Variants in MCPH1 observed in about 807,000 individuals in gnomAD.
The protein encoded by MCPH1 is microcephalin.
Under a neutral mutation model 84.5 loss-of-function variants are expected in MCPH1, and 104 were observed. The ratio of observed to expected loss-of-function variants is 1.23; its 90% CI spans 1.05 to 1.45. MCPH1 has a LOEUF of 1.45. MCPH1 is among the 40% of genes most tolerant of loss of function. MCPH1 has a pLI of 0.00. For synonymous variants in MCPH1, 514 were observed against 366.8 expected (o/e 1.40, Z -4.58); for missense variants, 1,498 against 1,005.7 (o/e 1.49, Z -6.62).
At chr8:6,427,495 C>T (rs1365634996) in intron 3 of MCPH1, among the ~76,000 whole-genome samples, 3 of 152,104 alleles carry the variant, frequency 2.0e-5, no homozygotes. Flanking sequence ...CCTCAGCTTC[C>T]TGAGGAGCTG....
At position 6,600,505 on chromosome 8, in the gene MCPH1, C is replaced by T. The variant is rs186385043; in HGVS notation, c.2215-20949C>T. Reference sequence around the variant, plus strand: ...GCGGCACTGGCCACCCTTGGCGGCACATCTCCAGCTTACAGCAGAGTCTGA... The same window carrying T: ...GCGGCACTGGCCACCCTTGGCGGCATATCTCCAGCTTACAGCAGAGTCTGA... On this transcript the variant is annotated intron_variant, in intron 12 of 13. Transcript: ENST00000344683. 3.6e-3 allele frequency among the ~76,000 whole-genome samples: 547 copies of T among 152,370 alleles called. 7 individuals carry two copies. The highest frequency in any genetic ancestry group is 0.013 in the African/African-American group (533 of 41,588).
At chr8:6,586,307 C>T (rs902343100) in intron 12 of MCPH1, among the ~76,000 whole-genome samples, 3 of 152,124 alleles carry the variant, frequency 2.0e-5, no homozygotes, top group Non-Finnish European at 4.4e-5. Flanking sequence ...CAGATGGGAC[C>T]AACTAAGTTT....
intron 10 of MCPH1, among the ~76,000 whole-genome samples, chr8:6,478,804 A>G (rs1032703719): frequency 3.9e-5 from 6 of 152,110 alleles, no homozygotes; most frequent in African/African-American, 1.4e-4. Context: ...TCTTGACTCA[A>G]GCACACATTC....
At chr8:6,507,841 C>T (rs2515412) in intron 12 of MCPH1, 26,673 of 99,980 alleles carry the variant, frequency 0.27, 2,952 homozygotes, top group African/African-American at 0.34. Context: ...CCTTGGCCTC[C>T]CAAAGTGCTG....
intron 12 of MCPH1, among the ~76,000 whole-genome samples, chr8:6,539,626 T>G (rs2408341): frequency 0.57 from 87,065 of 152,044 alleles, 26,598 homozygotes; most frequent in Non-Finnish European, 0.68. Flanking sequence ...TCGCTCTGTC[T>G]CTCAGGCTGG....
At chr8:6,567,110 G>A (rs1411151047) in intron 12 of MCPH1, among the ~76,000 whole-genome samples, 88 of 142,508 alleles carry the variant, frequency 6.2e-4, no homozygotes, top group African/African-American at 2.1e-3. Flanking sequence ...CATGGATAGT[G>A]CACGCGGTGC....
At chr8:6,498,898 A>G (rs1473392035) in intron 11 of MCPH1, among the ~76,000 whole-genome samples, 1 of 151,984 alleles carries the variant, frequency 6.6e-6, no homozygotes, top group African/African-American at 2.4e-5. Flanking sequence ...CAAATACAAA[A>G]AAAATTAGCC....
chr8:6,441,499 A>G (rs1259842509), intron 6 of MCPH1, among the ~76,000 whole-genome samples: 1 of 152,172 alleles, frequency 6.6e-6, no homozygotes, highest in Non-Finnish European at 1.5e-5. Context: ...TGACTATTGT[A>G]TGAACCGCCT....
chr8:6,582,231 G>T (rs1358321672), intron 12 of MCPH1, among the ~76,000 whole-genome samples: 3 of 152,192 alleles, frequency 2.0e-5, no homozygotes, highest in Non-Finnish European at 4.4e-5. Flanking sequence ...AAAGCATTTA[G>T]AATTACGCCT....
intron 5 of MCPH1, among the ~76,000 whole-genome samples, 190 bp downstream of exon 5, chr8:6,436,352 C>G (rs1802636639): frequency 6.6e-6 from 1 of 152,230 alleles, no homozygotes; most frequent in African/African-American, 2.4e-5. Flanking sequence ...AGCCACGCAG[C>G]TTGAGCTAAT....
At chr8:6,582,084 C>A (rs1436896040) in intron 12 of MCPH1, among the ~76,000 whole-genome samples, 5 of 152,142 alleles carry the variant, frequency 3.3e-5, no homozygotes, top group Admixed American at 2.0e-4. Context: ...CATTAGGTAA[C>A]CTGCAGTGCT....
At chr8:6,437,713 A>G (rs1320074278) in intron 5 of MCPH1, among the ~76,000 whole-genome samples, 1 of 152,154 alleles carries the variant, frequency 6.6e-6, no homozygotes, top group Non-Finnish European at 1.5e-5. Context: ...TCTTCGTCAA[A>G]GCTCAAGCCA....
rs769677828 is a variant in MCPH1 at position 6,445,037 on chromosome 8, C to T, written c.1315C>T (p.Pro439Ser). The T allele has an allele frequency of 1.8e-5, 29 of 1,614,144 alleles. 1 individual carries two copies. In the South Asian group the frequency reaches 2.5e-4, roughly 14 times the overall value. ...LPPESQLPSS[P>S]AQLSCRSLSK... ...TCCTGAATCTCAGCTGCCATCAAGC[C>T]CTGCTCAGTTGAGCTGCAGAAGTCT... The change falls in exon 8 of 14, where the codon CCT becomes TCT. Residue 439 changes from proline (P) to serine (S), a missense_variant. Coordinates refer to ENST00000344683, the MANE Select transcript of MCPH1 (RefSeq NM_024596.5).
At chr8:6,553,162 A>G (rs954279666) in intron 12 of MCPH1, among the ~76,000 whole-genome samples, 5 of 152,128 alleles carry the variant, frequency 3.3e-5, no homozygotes, top group Non-Finnish European at 7.3e-5. Context: ...CTGGTGCAGG[A>G]TGTTGATCGT....
chr8:6,567,219 C>T (rs547295670), intron 12 of MCPH1, among the ~76,000 whole-genome samples: 4 of 150,808 alleles, frequency 2.7e-5, no homozygotes, highest in Admixed American at 1.3e-4. Flanking sequence ...GTGCGGTGAC[C>T]GTGTGTGATC....
intron 9 of MCPH1, among the ~76,000 whole-genome samples, chr8:6,472,056 C>T (rs948666986): frequency 1.3e-5 from 2 of 152,086 alleles, no homozygotes; most frequent in African/African-American, 2.4e-5. Context: ...GTTCTAGATA[C>T]AGCATCTAGA....
At chr8:6,536,985 A>AAC (rs1554440304) in intron 12 of MCPH1, among the ~76,000 whole-genome samples, 2 of 151,714 alleles carry the variant, frequency 1.3e-5, no homozygotes, top group Non-Finnish European at 2.9e-5. Flanking sequence ...AAAAAAAAAA[A>AAC]AAAAACCAAC....
At chr8:6,515,888 A>C (rs1294212197) in intron 12 of MCPH1, among the ~76,000 whole-genome samples, 1 of 152,210 alleles carries the variant, frequency 6.6e-6, no homozygotes, top group Non-Finnish European at 1.5e-5. Flanking sequence ...AAAGAGAACC[A>C]AGAGAGTGCT....
At chr8:6,568,664 C>G (rs1022240082) in intron 12 of MCPH1, among the ~76,000 whole-genome samples, 1 of 152,208 alleles carries the variant, frequency 6.6e-6, no homozygotes, top group Non-Finnish European at 1.5e-5. Context: ...AGGGCTCAGA[C>G]ACACTTAAAG....
Sources: gnomAD v4.1 joint callset for allele counts (sites outside exome capture counted in the v4.1 genomes callset) on GRCh38, gnomAD v4.1.1 for gene constraint, MANE v1.5 for transcripts, NCBI Gene and HGNC (gene_info 2026-07-23, HGNC 2026-07-21) for gene names.